Variants in ASB10 observed in about 807,000 individuals in gnomAD.
ASB10 encodes the protein ankyrin repeat and SOCS box protein 10.
Under a neutral mutation model 35.4 loss-of-function variants are expected in ASB10, and 44 were observed. The ratio of observed to expected loss-of-function variants is 1.24; its 90% CI spans 0.98 to 1.60. The LOEUF (loss-of-function observed/expected upper bound fraction) is 1.60, where lower values mean the gene tolerates loss of function less well. Among genes scored for constraint, ASB10 ranks in the 40% most tolerant of loss-of-function variants. ASB10 has a pLI of 0.00. For synonymous variants in ASB10, 294 were observed against 280.4 expected (o/e 1.05, Z -0.49); for missense variants, 647 against 634.3 (o/e 1.02, Z -0.22).
chr7:151,175,925 TG>T lies in ASB10; in HGVS notation c.*41del, dbSNP rs1801376577. ...GTGCAGAGGCGCGCCCTCTGCAGGC[TG>T]GGGCATCTGCTTTCAGGCCCTCTCA... On this transcript the variant is annotated 3_prime_UTR_variant, in exon 6 of 6. Coordinates refer to ENST00000420175, the MANE Select transcript of ASB10 (RefSeq NM_001142459.2). The T allele has an allele frequency of 1.3e-6, 1 of 740,974 alleles. No individual in the cohort carries two copies. Among genetic ancestry groups the T allele is most frequent in the Non-Finnish European group, 2.1e-6 (1 of 480,526 alleles). 45.9% of individuals were successfully genotyped at this position (740,974 alleles called of 1,614,324 possible).
At position 151,176,149 on chromosome 7, in the gene ASB10, C is replaced by A. The variant is rs376633217; in HGVS notation, c.1367G>T (p.Arg456Leu). 1 of 1,611,824 alleles carries A rather than the reference C, an allele frequency of 6.2e-7. No individual in the cohort carries two copies. The highest frequency in any genetic ancestry group is 8.5e-7 in the Non-Finnish European group (1 of 1,179,832). ...GCCCTCAAAATCCAGCTGCAGGTAG[C>A]GGAGCAGGCGCGGTGGCAGGGGGAG... Reference protein sequence around the residue: ...PRLPLPPRLLRYLQLDFEGVL... With the variant: ...PRLPLPPRLLLYLQLDFEGVL... The change falls in exon 5 of 6, where the codon CGC becomes CTC. Residue 456 changes from arginine (R) to leucine (L), a missense_variant. Physicochemically the swap from Arg to Leu is moderately radical, Grantham distance 102. Coordinates refer to ENST00000420175, the MANE Select transcript of ASB10 (RefSeq NM_001142459.2).
upstream of ASB10, chr7:151,187,399 C>A (rs1036309688): frequency 6.5e-7 from 1 of 1,549,882 alleles, no homozygotes; most frequent in South Asian, 1.2e-5. This position sits in a 1 kb window ranked among gnomAD's most constrained non-coding sequence, Gnocchi z 5.3. Context: ...CCTCTGTGGC[C>A]GAGGCAGTCA....
chr7:151,180,512 G>A (rs1174602383), intron 3 of ASB10, among the ~76,000 whole-genome samples: 1 of 152,108 alleles, frequency 6.6e-6, no homozygotes, highest in African/African-American at 2.4e-5. Context: ...CTGCTAGTGG[G>A]AGCTTCCTCA....
At position 151,175,906 on chromosome 7, in the gene ASB10, A is replaced by G; in HGVS notation, c.*61T>C. The G allele has an allele frequency of 1.6e-6, 1 of 614,996 alleles. No individual in the cohort carries two copies. Among genetic ancestry groups the G allele is most frequent in the Non-Finnish European group, 2.7e-6 (1 of 374,936 alleles). The allele number at this position is 614,996 out of a possible 1,614,324, so 38.1% of individuals were successfully genotyped here. Reference sequence around the variant, plus strand: ...GGCTACCTGGCCTGAGTTAGTGCAGAGGCGCGCCCTCTGCAGGCTGGGGCA... The same window carrying G: ...GGCTACCTGGCCTGAGTTAGTGCAGGGGCGCGCCCTCTGCAGGCTGGGGCA... On this transcript the variant is annotated 3_prime_UTR_variant, in exon 6 of 6. Transcript: ENST00000420175.
At chr7:151,178,447 G>C in intron 3 of ASB10, among the ~76,000 whole-genome samples, 1 of 152,204 alleles carries the variant, frequency 6.6e-6, no homozygotes, top group East Asian at 1.9e-4. Flanking sequence ...ACACCCGCTT[G>C]TGCCTGAACT....
chr7:151,180,178 C>T (rs1013310905), intron 3 of ASB10, among the ~76,000 whole-genome samples: 3 of 152,230 alleles, frequency 2.0e-5, no homozygotes, highest in Non-Finnish European at 4.4e-5. Flanking sequence ...CCAGCGCCCT[C>T]CATGACATTA....
At chr7:151,179,452 C>T (rs1801448281) in intron 3 of ASB10, among the ~76,000 whole-genome samples, 2 of 152,232 alleles carry the variant, frequency 1.3e-5, no homozygotes, top group Admixed American at 6.5e-5. Flanking sequence ...TCTCCTACAG[C>T]TTTCCATCCT....
At chr7:151,186,743 A>T in intron 1 of ASB10, 72 bp downstream of exon 1, 1 of 1,537,278 alleles carries the variant, frequency 6.5e-7, no homozygotes, top group African/African-American at 1.4e-5. Context: ...AGAGGCAGGA[A>T]GAGGGAGCCC....
At position 151,186,613 on chromosome 7, in the gene ASB10, A is replaced by G; in HGVS notation, c.363T>C (p.His121=). 2 of 1,611,168 alleles carry G rather than the reference A, an allele frequency of 1.2e-6. No individual in the cohort carries two copies. The highest frequency in any genetic ancestry group is 1.1e-5 in the South Asian group (1 of 90,662). ...CCGTGTGGCCACGGCTGGCTGCCAC[A>G]TGCAGTGGGGTGGTCAGCTCCTCTT... is the stretch of plus-strand genomic sequence containing the variant. ...TYEEELTTPL[H]VAASRGHTEV... Residue 121 remains histidine, a synonymous_variant, in exon 2 of 6, where the codon CAT becomes CAC. Coordinates refer to ENST00000420175, the MANE Select transcript of ASB10 (RefSeq NM_001142459.2).
chr7:151,181,867 G>A (rs1181626340), intron 2 of ASB10, among the ~76,000 whole-genome samples: 1 of 152,104 alleles, frequency 6.6e-6, no homozygotes, highest in African/African-American at 2.4e-5. Context: ...ACCTGCCTCG[G>A]CCTCCCAAAG....
intron 2 of ASB10, among the ~76,000 whole-genome samples, chr7:151,183,660 A>G (rs1801534707): frequency 6.6e-6 from 1 of 152,150 alleles, no homozygotes; most frequent in South Asian, 2.1e-4. Flanking sequence ...ATCTTGGCTC[A>G]CTACCACCTC....
At chr7:151,186,013 C>A (rs147697408) in intron 2 of ASB10, among the ~76,000 whole-genome samples, 178 of 152,240 alleles carry the variant, frequency 1.2e-3, no homozygotes, top group Non-Finnish European at 1.9e-3. Flanking sequence ...GAGGGCAGGG[C>A]CTCAGGGACT....
chr7:151,181,372 C>A lies in ASB10; in HGVS notation c.671G>T (p.Arg224Leu). The change falls in exon 3 of 6, where the codon CGG becomes CTG. Residue 224 changes from arginine (R) to leucine (L), a missense_variant. Arg to Leu is a moderately radical substitution (Grantham distance 102, BLOSUM62 -2). Coordinates refer to ENST00000420175, the MANE Select transcript of ASB10 (RefSeq NM_001142459.2). Reference protein sequence around the residue: ...EEETPLHVAARLGHVELADLL... With the variant: ...EEETPLHVAALLGHVELADLL... ...ATCTGCCAGCTCCACATGGCCAAGC[C>A]GGGCGGCCACATGCAAAGGGGTCTC... 1 of 1,613,004 alleles carries A rather than the reference C, an allele frequency of 6.2e-7. No homozygotes were observed. Among genetic ancestry groups the A allele is most frequent in the Non-Finnish European group, 8.5e-7 (1 of 1,179,900 alleles).
In ASB10 at chr7:151,181,130, C is replaced by G. The variant is rs769491777; in HGVS notation, c.913G>C (p.Gly305Arg). ...QRPLHLACRR[G>R]HAAVVELLLS... ...AGCAGCTCCACGACAGCTGCATGGC[C>G]ACGGCGGCAGGCCAGGTGCAGGGGT... The change falls in exon 3 of 6, where the codon GGC becomes CGC. Residue 305 changes from glycine to arginine, a missense_variant. Gly to Arg is a moderately radical substitution (Grantham distance 125). Coordinates refer to ENST00000420175, the MANE Select transcript of ASB10 (RefSeq NM_001142459.2). The G allele has an allele frequency of 1.2e-6, 2 of 1,611,660 alleles. No individual in the cohort carries two copies. The highest frequency in any genetic ancestry group is 2.7e-5 in the African/African-American group (2 of 74,930).
At chr7:151,183,865 C>T (rs1293327965) in intron 2 of ASB10, among the ~76,000 whole-genome samples, 4 of 151,916 alleles carry the variant, frequency 2.6e-5, no homozygotes, top group African/African-American at 7.3e-5. Context: ...GGATTACAGG[C>T]GTGAGCCACT....
chr7:151,175,920 C>T lies in ASB10; in HGVS notation c.*47G>A. The T allele has an allele frequency of 1.4e-6, 1 of 714,898 alleles. No homozygotes were observed. The highest frequency in any genetic ancestry group is 2.2e-6 in the Non-Finnish European group (1 of 457,856). The allele number at this position is 714,898 out of a possible 1,614,324, so 44.3% of individuals were successfully genotyped here. A position where few individuals can be genotyped will look rare whatever the true frequency, so the allele number is the denominator to read the frequency against. On this transcript the variant is annotated 3_prime_UTR_variant, in exon 6 of 6. Coordinates refer to ENST00000420175, the MANE Select transcript of ASB10 (RefSeq NM_001142459.2). Reference sequence around the variant, plus strand: ...AGTTAGTGCAGAGGCGCGCCCTCTGCAGGCTGGGGCATCTGCTTTCAGGCC... The same window carrying T: ...AGTTAGTGCAGAGGCGCGCCCTCTGTAGGCTGGGGCATCTGCTTTCAGGCC...
At chr7:151,176,726 C>T (rs1273628068) in intron 3 of ASB10, 50 bp from the exon 4 acceptor site, 1 of 1,266,040 alleles carries the variant, frequency 7.9e-7, no homozygotes, top group Admixed American at 2.1e-5. Flanking sequence ...ACACAGTGAC[C>T]AGACAGCTCC....
upstream of ASB10, chr7:151,187,671 G>A (rs1320566456): frequency 6.0e-6 from 9 of 1,511,260 alleles, no homozygotes; most frequent in Non-Finnish European, 6.2e-6. The surrounding 1 kb of genome is among the most constrained non-coding windows in gnomAD (Gnocchi z 5.3). Context: ...GCGGAGGGAA[G>A]GCACCCCAGA....
In ASB10 at chr7:151,181,494, G is replaced by C. The variant is rs750309884; in HGVS notation, c.585-36C>G. 4.5e-6 allele frequency: 7 copies of C among 1,542,906 alleles called. No homozygotes were observed. In the Admixed American group the frequency reaches 1.1e-4, roughly 24 times the overall value. The stretch of plus-strand genomic sequence containing the variant: ...GAGACGGTGGTGGGGAGGAAAGCGG[G>C]CACGGACCCCTGGCAGGAACACACT... On this transcript the variant is annotated intron_variant, in intron 2 of 5. Transcript: ENST00000420175.
Sources: gnomAD v4.1 joint callset for allele counts (sites outside exome capture counted in the v4.1 genomes callset) on GRCh38, gnomAD v4.1.1 for gene constraint, Gnocchi (gnomAD v3.1) non-coding constraint, MANE v1.5 for transcripts, NCBI Gene and HGNC (gene_info 2026-07-23, HGNC 2026-07-21) for gene names.